AGBL1: variants seen among roughly 807,000 people sequenced by gnomAD.
The protein encoded by AGBL1 is AGBL carboxypeptidase 1.
A neutral mutation model predicts 118.9 loss-of-function variants in AGBL1; 130 were observed. The ratio of observed to expected loss-of-function variants is 1.09; its 90% CI spans 0.95 to 1.26. The LOEUF is 1.26. Ranked by LOEUF, AGBL1 falls within the 50% of genes most tolerant of loss-of-function variation. AGBL1 has a pLI of 0.00. For missense variants in AGBL1, 1,584 were observed against 1,298.1 expected, an observed-to-expected ratio of 1.22 and a Z score of -3.38; for synonymous variants, 555 against 478.9, an observed-to-expected ratio of 1.16 and a Z score of -2.08.
chr15:86,557,292 CA>C (rs1438928201), intron 21 of AGBL1, among the ~76,000 whole-genome samples: 1 of 152,166 alleles, frequency 6.6e-6, no homozygotes, highest in East Asian at 1.9e-4. Flanking sequence ...GCATCCCGTC[CA>C]TGTGGACAGC....
Position 86,565,525 on chromosome 15 carries a change from G to T in AGBL1, c.2994+10988G>T, listed in dbSNP as rs150959366. On this transcript the variant is annotated intron_variant, in intron 21 of 22. Transcript: ENST00000614907. ...TCAGAGGGGTACCCAGCCATGTGACGTGTCAGTCTGCCCCTACTGGGGGGT... is the reference window on the plus strand; with the variant it reads ...TCAGAGGGGTACCCAGCCATGTGACTTGTCAGTCTGCCCCTACTGGGGGGT... 2.6e-3 allele frequency among the ~76,000 whole-genome samples: 401 copies of T among 152,332 alleles called. 11 individuals are homozygous for T. The East Asian group carries it at 0.05, about 19-fold the overall frequency.
chr15:86,979,607 G>A (rs2081209238), intron 23 of AGBL1, among the ~76,000 whole-genome samples: 1 of 152,080 alleles, frequency 6.6e-6, no homozygotes, highest in Admixed American at 6.5e-5. Flanking sequence ...TCCTGCCTCA[G>A]CCTCCGGAGT....
chr15:86,932,696 C>A (rs768354357), intron 23 of AGBL1, among the ~76,000 whole-genome samples: 7 of 152,146 alleles, frequency 4.6e-5, no homozygotes, highest in African/African-American at 1.7e-4. Flanking sequence ...TCAACTATGG[C>A]TGACTCCCCA....
At chr15:86,799,274 A>C (rs1009828733) in intron 22 of AGBL1, among the ~76,000 whole-genome samples, 1 of 152,096 alleles carries the variant, frequency 6.6e-6, no homozygotes, top group Non-Finnish European at 1.5e-5. Context: ...GTGTGCTGCA[A>C]CTGTAATTTT....
intron 21 of AGBL1, among the ~76,000 whole-genome samples, chr15:86,574,291 C>A (rs1176411767): frequency 6.6e-6 from 1 of 152,194 alleles, no homozygotes; most frequent in African/African-American, 2.4e-5. Flanking sequence ...TCAGGTTGCA[C>A]CATCTGGTCC....
At chr15:86,470,208 T>C (rs2082461254) in intron 18 of AGBL1, among the ~76,000 whole-genome samples, 1 of 152,212 alleles carries the variant, frequency 6.6e-6, no homozygotes, top group Admixed American at 6.5e-5. Context: ...ATTTTGGATC[T>C]GGATTTTAAG....
At chr15:86,365,855 C>A (rs1386197564) in intron 17 of AGBL1, among the ~76,000 whole-genome samples, 2 of 152,140 alleles carry the variant, frequency 1.3e-5, no homozygotes, top group Non-Finnish European at 1.5e-5. Context: ...CTGTCAGGGC[C>A]AATCTGTGCT....
intron 22 of AGBL1, among the ~76,000 whole-genome samples, chr15:86,795,587 A>ATTT (rs201093513): frequency 7.2e-6 from 1 of 138,294 alleles, no homozygotes. Context: ...TTTCTGCTTG[A>ATTT]TTTTTTTTTT....
chr15:86,686,812 TA>T (rs1441859327), intron 22 of AGBL1, among the ~76,000 whole-genome samples: 3 of 152,130 alleles, frequency 2.0e-5, no homozygotes, highest in African/African-American at 7.2e-5. Context: ...TAATTATACA[TA>T]TCCCATTGGA....
intron 23 of AGBL1, among the ~76,000 whole-genome samples, chr15:86,942,499 C>T (rs1424479068): frequency 6.6e-6 from 1 of 152,196 alleles, no homozygotes; most frequent in Non-Finnish European, 1.5e-5. Context: ...CAGATTCTGA[C>T]TCATGGACTC....
At chr15:86,135,693 C>A (rs560388481) in intron 1 of AGBL1, among the ~76,000 whole-genome samples, 1 of 152,314 alleles carries the variant, frequency 6.6e-6, no homozygotes, top group African/African-American at 2.4e-5. Flanking sequence ...AAAAATCTTG[C>A]TCTAGAGGAG....
chr15:86,776,684 A>G (rs1299340242), intron 22 of AGBL1, among the ~76,000 whole-genome samples: 1 of 145,060 alleles, frequency 6.9e-6, no homozygotes, highest in African/African-American at 2.5e-5. Context: ...CTTTTATTTG[A>G]ATGGATAGCA....
Position 86,554,469 on chromosome 15 carries a change from GA to G in AGBL1, c.2927del (p.Glu976GlyfsTer65). The G allele has an allele frequency of 1.3e-6, 2 of 1,587,306 alleles. No homozygotes were observed. Among genetic ancestry groups the G allele is most frequent in the Non-Finnish European group, 1.7e-6 (2 of 1,167,216 alleles). ...CACGGCCCGGGTGGTGGTGTGGAGAGAGATGGGGGTGTCCAGAAGCTACACC... is the reference window on the plus strand; with the variant it reads ...CACGGCCCGGGTGGTGGTGTGGAGAGGATGGGGGTGTCCAGAAGCTACACC... ...ASTARVVVWR[E>X]MGVSRSYTME... On this transcript the variant is annotated frameshift_variant, in exon 21 of 23. Transcript: ENST00000614907. LOFTEE classifies it high-confidence loss of function.
At chr15:86,410,841 T>TATATATATATATATATATAA (rs67883935) in intron 18 of AGBL1, among the ~76,000 whole-genome samples, 10 of 64,538 alleles carry the variant, frequency 1.5e-4, no homozygotes, top group African/African-American at 6.6e-4. Context: ...TATATATATA[T>TATATATATATATATATATAA]AATATACTAT....
chr15:86,135,103 G>A (rs1420408276), intron 1 of AGBL1, among the ~76,000 whole-genome samples: 1 of 152,174 alleles, frequency 6.6e-6, no homozygotes, highest in Non-Finnish European at 1.5e-5. Flanking sequence ...CGTAGGGGCA[G>A]ATCCCCCATG....
chr15:86,631,340 T>C (rs2084961858), intron 21 of AGBL1, among the ~76,000 whole-genome samples: 1 of 152,214 alleles, frequency 6.6e-6, no homozygotes, highest in Non-Finnish European at 1.5e-5. Context: ...GAGCACTCTT[T>C]GTGCTATGCT....
intron 17 of AGBL1, among the ~76,000 whole-genome samples, chr15:86,332,340 T>C (rs1378834281): frequency 6.6e-6 from 1 of 152,122 alleles, no homozygotes; most frequent in Admixed American, 6.5e-5. Context: ...GTTAGATCAT[T>C]GATGCAGAAA....
intron 22 of AGBL1, among the ~76,000 whole-genome samples, chr15:86,847,458 C>G (rs1375291084): frequency 6.6e-6 from 1 of 152,164 alleles, no homozygotes; most frequent in East Asian, 1.9e-4. Flanking sequence ...CTTGCTTTGA[C>G]TAAGTCTTTG....
At chr15:86,720,068 A>C (rs1348301504) in intron 22 of AGBL1, among the ~76,000 whole-genome samples, 2 of 152,236 alleles carry the variant, frequency 1.3e-5, no homozygotes, top group Admixed American at 6.5e-5. Flanking sequence ...TGATCAACTT[A>C]GGTTTAAATG....
Sources: gnomAD v4.1 joint callset for allele counts (sites outside exome capture counted in the v4.1 genomes callset) on GRCh38, gnomAD v4.1.1 for gene constraint, MANE v1.5 for transcripts, NCBI Gene and HGNC (gene_info 2026-07-23, HGNC 2026-07-21) for gene names.